FER: variants seen among roughly 807,000 people sequenced by gnomAD.
The protein encoded by FER is tyrosine-protein kinase Fer.
A neutral mutation model predicts 111.0 loss-of-function variants in FER; 63 were observed. That is an observed-to-expected ratio of 0.57 (90% CI 0.46 to 0.70). The LOEUF is 0.70. Among genes scored for constraint, FER ranks in the 30% least tolerant of loss-of-function variants. The pLI, the probability that FER is intolerant of heterozygous loss-of-function variation, is 0.00. For synonymous variants in FER, 327 were observed against 313.9 expected (o/e 1.04, Z -0.44); for missense variants, 914 against 954.0 (o/e 0.96, Z 0.55).
chr5:108,834,418 C>CTTTTTAA, intron 4 of FER, among the ~76,000 whole-genome samples: 1 of 152,126 alleles, frequency 6.6e-6, no homozygotes, highest in African/African-American at 2.4e-5. Context: ...AGTTTTCTGG[C>CTTTTTAA]TGGGTGCGGT....
chr5:108,807,286 C>G (rs1757302849), intron 3 of FER, among the ~76,000 whole-genome samples: 1 of 152,142 alleles, frequency 6.6e-6, no homozygotes, highest in South Asian at 2.1e-4. Flanking sequence ...TGTAAATTGC[C>G]CTGTCTCAGG....
chr5:108,819,386 C>A (rs1413489454), intron 3 of FER, among the ~76,000 whole-genome samples: 1 of 151,988 alleles, frequency 6.6e-6, no homozygotes, highest in African/African-American at 2.4e-5. Flanking sequence ...CCACACTGCT[C>A]CCTCCAAGCA....
intron 5 of FER, among the ~76,000 whole-genome samples, chr5:108,839,416 G>C (rs1392096259): frequency 6.6e-6 from 1 of 152,072 alleles, no homozygotes; most frequent in African/African-American, 2.4e-5. Context: ...GGCTAGTCAA[G>C]TGCCTGTAGG....
intron 17 of FER, among the ~76,000 whole-genome samples, chr5:109,125,950 C>T (rs1751663464): frequency 6.6e-6 from 1 of 152,104 alleles, no homozygotes; most frequent in Admixed American, 6.5e-5. Flanking sequence ...GCTAAAACTG[C>T]TACATCCACA....
intron 8 of FER, among the ~76,000 whole-genome samples, chr5:108,872,517 C>T (rs1213006226): frequency 1.3e-5 from 2 of 152,020 alleles, no homozygotes; most frequent in African/African-American, 4.8e-5. Context: ...TTCATCCTCA[C>T]AATTTATTGG....
At chr5:108,899,939 G>A (rs189944207) in intron 10 of FER, among the ~76,000 whole-genome samples, 139 of 152,228 alleles carry the variant, frequency 9.1e-4, no homozygotes, top group Non-Finnish European at 1.6e-3. Flanking sequence ...ATTGCCTTCC[G>A]GCACCTTCAA....
intron 11 of FER, among the ~76,000 whole-genome samples, chr5:108,953,673 GCC>G (rs1370778227): frequency 6.6e-6 from 1 of 151,926 alleles, no homozygotes; most frequent in Non-Finnish European, 1.5e-5. Context: ...CCATACTTTG[GCC>G]CTACCTAGAA....
At chr5:109,030,855 T>A (rs1769493338) in intron 13 of FER, among the ~76,000 whole-genome samples, 1 of 152,148 alleles carries the variant, frequency 6.6e-6, no homozygotes, top group South Asian at 2.1e-4. Flanking sequence ...CTTTTTTTTG[T>A]GGCAGTACTT....
At chr5:109,177,656 C>G (rs1362516462) in intron 17 of FER, 2 of 152,296 alleles carry the variant, frequency 1.3e-5, no homozygotes, top group East Asian at 3.9e-4. Flanking sequence ...CTTATTTAAT[C>G]CTTAATTAAC....
At chr5:109,021,939 G>C (rs547335164) in intron 13 of FER, among the ~76,000 whole-genome samples, 1 of 152,066 alleles carries the variant, frequency 6.6e-6, no homozygotes, top group Non-Finnish European at 1.5e-5. Flanking sequence ...AGAGGGAGAA[G>C]ATAGAGAAAG....
rs886064641 is a variant in FER, at chr5:109,025,163, A to C, written c.1657-12259A>C. ...TTTTTCCAATTCTGTGAAGAAAGTC[A>C]TTGGTAGCTTGATGGGGATGGCATT... On this transcript the variant is annotated intron_variant, in intron 13 of 19. Transcript: ENST00000281092. Among the ~76,000 whole-genome samples, 10 of 152,024 alleles carry C rather than the reference A, an allele frequency of 6.6e-5. 1 individual carries two copies. In the South Asian group the frequency reaches 2.1e-3, roughly 32 times the overall value.
intron 5 of FER, among the ~76,000 whole-genome samples, chr5:108,856,330 AG>A (rs1223206886): frequency 6.6e-6 from 1 of 151,832 alleles, no homozygotes; most frequent in Non-Finnish European, 1.5e-5. Context: ...ACAATGAAAA[AG>A]TTTTTTTTCC....
intron 2 of FER, among the ~76,000 whole-genome samples, chr5:108,776,258 GA>G (rs1373193701): frequency 6.6e-6 from 1 of 151,972 alleles, no homozygotes; most frequent in Non-Finnish European, 1.5e-5. Flanking sequence ...ACGTATTTCT[GA>G]TTTTTATAAA....
intron 2 of FER, among the ~76,000 whole-genome samples, chr5:108,782,484 T>C (rs1200693608): frequency 1.3e-5 from 2 of 152,184 alleles, no homozygotes; most frequent in Non-Finnish European, 2.9e-5. Context: ...GTCCATTTTA[T>C]TCATTTTTTC....
At chr5:109,126,965 G>C (rs1170959018) in intron 17 of FER, among the ~76,000 whole-genome samples, 1 of 152,140 alleles carries the variant, frequency 6.6e-6, no homozygotes, top group East Asian at 1.9e-4. Flanking sequence ...GTGTTACAAA[G>C]GTTATTCAGG....
chr5:108,901,423 A>C (rs1750008366), intron 10 of FER, among the ~76,000 whole-genome samples: 1 of 152,042 alleles, frequency 6.6e-6, no homozygotes, highest in Non-Finnish European at 1.5e-5. Context: ...AGTATAAGGA[A>C]AAGTGCTTTG....
chr5:108,817,718 C>G (rs1214831552), intron 3 of FER, among the ~76,000 whole-genome samples: 1 of 152,176 alleles, frequency 6.6e-6, no homozygotes, highest in Non-Finnish European at 1.5e-5. Flanking sequence ...TTATGGAATA[C>G]TGATTTACCT....
At chr5:109,047,968 C>G (rs1034161288) in intron 16 of FER, among the ~76,000 whole-genome samples, 15 of 152,032 alleles carry the variant, frequency 9.9e-5, no homozygotes, top group African/African-American at 3.6e-4. Flanking sequence ...TGTCCAACTT[C>G]CTGTTGTAGA....
intron 5 of FER, among the ~76,000 whole-genome samples, chr5:108,862,518 A>G (rs913543391): frequency 2.3e-4 from 35 of 152,206 alleles, no homozygotes; most frequent in African/African-American, 8.4e-4. Flanking sequence ...TAAAAAATTC[A>G]GGGAATTAAT....
Sources: allele counts gnomAD v4.1 joint callset (sites outside exome capture counted in the v4.1 genomes callset), GRCh38; gene constraint gnomAD v4.1.1; transcripts MANE v1.5; gene names NCBI Gene and HGNC (gene_info 2026-07-23, HGNC 2026-07-21).